Variants in AR observed in about 807,000 individuals in gnomAD.
AR encodes dihydrotestosterone receptor.
A neutral mutation model predicts 53.9 loss-of-function variants in AR; 8 were observed. The ratio of observed to expected loss-of-function variants is 0.15; its 90% confidence interval spans 0.09 to 0.27. AR has a LOEUF of 0.27. Ranked by LOEUF, AR falls within the 10% of genes least tolerant of loss-of-function variation. The pLI, the probability that AR is intolerant of heterozygous loss-of-function variation, is 1.00. For missense variants in AR, 639 were observed against 742.5 expected (o/e 0.86, Z 1.62); for synonymous variants, 359 against 316.4 (o/e 1.13, Z -1.43).
At chrX:67,675,358 C>G (rs1431068732) in intron 2 of AR, among the ~76,000 whole-genome samples, 4 of 110,772 alleles carry the variant, frequency 3.6e-5, no homozygotes, top group Non-Finnish European at 7.5e-5. Flanking sequence ...GCTAGCACAC[C>G]AGGATTTGAC....
At chrX:67,723,577 G>T in intron 7 of AR, 109 bp from the exon 8 acceptor site, 1 of 875,951 alleles carries the variant, frequency 1.1e-6, no homozygotes, top group Admixed American at 2.2e-5. Flanking sequence ...TACGGGGAAG[G>T]GGGAGGAAAC....
chrX:67,710,785 T>C (rs1785893184), intron 3 of AR, among the ~76,000 whole-genome samples: 1 of 112,474 alleles, frequency 8.9e-6, no homozygotes, highest in African/African-American at 3.2e-5. Context: ...CTTTTGTTTA[T>C]GCCCTTTCTG....
intron 1 of AR, among the ~76,000 whole-genome samples, chrX:67,607,636 T>A (rs1274378861): frequency 8.9e-6 from 1 of 112,245 alleles, no homozygotes; most frequent in Non-Finnish European, 1.9e-5. Flanking sequence ...AATGGGATAA[T>A]GGATTTGTAA....
At chrX:67,569,329 C>T (rs1388664633) in intron 1 of AR, among the ~76,000 whole-genome samples, 1 of 111,182 alleles carries the variant, frequency 9.0e-6, no homozygotes, top group Non-Finnish European at 1.9e-5. Flanking sequence ...CCCCTAGAGA[C>T]AGTAAGCAGC....
intron 1 of AR, among the ~76,000 whole-genome samples, chrX:67,551,987 T>A (rs1930013042): frequency 1.8e-5 from 2 of 112,323 alleles, no homozygotes; most frequent in South Asian, 7.4e-4. Context: ...TCAATTTAGG[T>A]TACTTAGTAC....
intron 1 of AR, among the ~76,000 whole-genome samples, chrX:67,576,085 G>T (rs2147350688): frequency 9.0e-6 from 1 of 111,369 alleles, no homozygotes; most frequent in East Asian, 2.9e-4. Context: ...TCATCTGGTT[G>T]CCAAACTATG....
intron 1 of AR, among the ~76,000 whole-genome samples, chrX:67,566,578 C>T (rs538700868): frequency 1.4e-4 from 16 of 111,269 alleles, no homozygotes; most frequent in African/African-American, 3.9e-4. Flanking sequence ...GATGGGGCTG[C>T]GAGATTGTTA....
Position 67,727,046 on chromosome X carries a change from C to T in AR, c.*3205C>T, listed in dbSNP as rs896773430. 5 of 172,557 alleles carry T rather than the reference C, an allele frequency of 2.9e-5. No individual in the cohort carries two copies. Among genetic ancestry groups the T allele is most frequent in the East Asian group, 2.5e-4 (3 of 12,142 alleles). The allele number at this position is 172,557 out of a possible 1,213,427, so 14.2% of individuals were successfully genotyped here. Reference sequence around the variant, plus strand: ...GGGCAGCAGACAGCTGCCAGGATCACGAACTCTGTAGTCAAAGAAAAGAGT... The same window carrying T: ...GGGCAGCAGACAGCTGCCAGGATCATGAACTCTGTAGTCAAAGAAAAGAGT... On this transcript the variant is annotated 3_prime_UTR_variant, in exon 8 of 8. Coordinates refer to ENST00000374690, the MANE Select transcript of AR (RefSeq NM_000044.6).
At chrX:67,601,307 A>C (rs1923345775) in intron 1 of AR, among the ~76,000 whole-genome samples, 1 of 112,168 alleles carries the variant, frequency 8.9e-6, no homozygotes, top group African/African-American at 3.2e-5. Flanking sequence ...TTATTCATAA[A>C]CTGGGGAATA....
intron 1 of AR, among the ~76,000 whole-genome samples, chrX:67,620,632 A>T (rs1262252636): frequency 2.7e-5 from 3 of 111,532 alleles, no homozygotes; most frequent in Non-Finnish European, 5.7e-5. Context: ...CTAGTGATCA[A>T]TAATAGTGAG....
chrX:67,684,375 C>A (rs1244749526), intron 2 of AR, among the ~76,000 whole-genome samples: 1 of 111,657 alleles, frequency 9.0e-6, no homozygotes, highest in Non-Finnish European at 1.9e-5. Context: ...GGCCTGGAGA[C>A]CTTAGTTTTC....
In AR at chrX:67,718,589, GA is replaced by G. The variant is rs201097512; in HGVS notation, c.2318+976del. Among the ~76,000 whole-genome samples, 12 of 108,944 alleles carry G rather than the reference GA, an allele frequency of 1.1e-4. No individual in the cohort carries two copies. The East Asian group carries it at 1.2e-3, about 11-fold the overall frequency. The allele number at this position is 108,944 out of a possible 115,157, so 94.6% of individuals were successfully genotyped here. A position where few individuals can be genotyped will look rare whatever the true frequency, so the allele number is the denominator to read the frequency against. ...TGTCTGGCCCATAGTAGGCAAGAAGGAAAAAAAAAGTCCCTTTCTGATTCAC... is the reference window on the plus strand; with the variant it reads ...TGTCTGGCCCATAGTAGGCAAGAAGGAAAAAAAAGTCCCTTTCTGATTCAC... On this transcript the variant is annotated intron_variant, in intron 5 of 7. Transcript: ENST00000374690.
At chrX:67,685,351 C>A (rs2075959998) in intron 2 of AR, among the ~76,000 whole-genome samples, 1 of 111,192 alleles carries the variant, frequency 9.0e-6, no homozygotes, top group African/African-American at 3.3e-5. Context: ...TGTGACAACT[C>A]CAGGTGTTCA....
chrX:67,717,078 GA>G (rs1312254340), intron 4 of AR, among the ~76,000 whole-genome samples: 3 of 111,653 alleles, frequency 2.7e-5, no homozygotes, highest in Non-Finnish European at 5.6e-5. Context: ...GCTTAGAAAA[GA>G]GTTAAATGTA....
rs761208989 is a variant in AR, at chrX:67,596,084, C to G, written c.1617-47172C>G. Among the ~76,000 whole-genome samples, 4 of 110,294 alleles carry G rather than the reference C, an allele frequency of 3.6e-5. No homozygotes were observed. The East Asian group carries it at 1.2e-3, about 32-fold the overall frequency. ...AGATCTGGTTGTATAGCACCTCCCC[C>G]CTTGCTCTCTTGTTCCTGCTTTCAC... On this transcript the variant is annotated intron_variant, in intron 1 of 7. Transcript: ENST00000374690.
intron 3 of AR, 35 bp from the exon 4 acceptor site, chrX:67,711,367 G>A (rs2147523946): frequency 8.5e-7 from 1 of 1,169,747 alleles, no homozygotes; most frequent in Non-Finnish European, 1.1e-6. Flanking sequence ...TTTGACCACT[G>A]ATGATAAATT....
intron 1 of AR, among the ~76,000 whole-genome samples, chrX:67,608,029 A>G: frequency 1.8e-5 from 2 of 112,046 alleles, no homozygotes; most frequent in Admixed American, 1.9e-4. Flanking sequence ...TCCAGGCATA[A>G]TAGTCTTAAA....
chrX:67,598,000 T>G (rs996532341), intron 1 of AR, among the ~76,000 whole-genome samples: 1 of 111,815 alleles, frequency 8.9e-6, no homozygotes, highest in African/African-American at 3.3e-5. Flanking sequence ...CTGACTTAAC[T>G]ACAGTATTTG....
chrX:67,723,879 C>T lies in AR; in HGVS notation c.*38C>T, dbSNP rs949290287. 1 of 1,201,372 alleles carries T rather than the reference C, an allele frequency of 8.3e-7. No individual in the cohort carries two copies. Reference sequence around the variant, plus strand: ...CCTATTTCCCCACCCCAGCTCATGCCCCCTTTCAGATGTCTTCTGCCTGTT... The same window carrying T: ...CCTATTTCCCCACCCCAGCTCATGCTCCCTTTCAGATGTCTTCTGCCTGTT... On this transcript the variant is annotated 3_prime_UTR_variant, in exon 8 of 8. Transcript: ENST00000374690.
Sources: gnomAD v4.1 joint callset for allele counts (sites outside exome capture counted in the v4.1 genomes callset) on GRCh38, gnomAD v4.1.1 for gene constraint, MANE v1.5 for transcripts, NCBI Gene and HGNC (gene_info 2026-07-23, HGNC 2026-07-21) for gene names.